ZNF710: variants seen among roughly 807,000 people sequenced by gnomAD.
ZNF710 encodes zinc finger protein 710.
ZNF710 carries 13 observed loss-of-function variants against 50.6 expected under a neutral mutation model. The observed-to-expected ratio is 0.26, with a 90% CI of 0.17 to 0.41. The LOEUF (loss-of-function observed/expected upper bound fraction) is 0.41, where lower values mean the gene tolerates loss of function less well. ZNF710 is among the 10% of genes least tolerant of loss of function. The pLI is 1.00. For missense variants in ZNF710, 721 were observed against 936.6 expected, an observed-to-expected ratio of 0.77 and a Z score of 3.01; for synonymous variants, 383 against 397.0, an observed-to-expected ratio of 0.96 and a Z score of 0.42.
chr15:90,045,395 T>C, intron 1 of ZNF710: 1 of 985,204 alleles, frequency 1.0e-6, no homozygotes, highest in African/African-American at 1.7e-5. Context: ...GGCTGACAGG[T>C]TTGCCGTCTG....
In ZNF710 at chr15:90,067,516, C is replaced by A. The variant is rs1410047371; in HGVS notation, c.379C>A (p.Pro127Thr). Residue 127 changes from proline (P) to threonine (T), a missense_variant, in exon 2 of 5, where the codon CCA becomes ACA. Coordinates refer to ENST00000268154, the MANE Select transcript of ZNF710 (RefSeq NM_198526.4). The surrounding 1 kb of genome is among the most constrained non-coding windows in gnomAD (Gnocchi z 8.1). ...EEQEVYEVSV[P>T]GDDKDAGPAE... The stretch of plus-strand genomic sequence containing the variant: ...ACAGGAGGTCTATGAGGTTTCTGTG[C>A]CAGGTGACGACAAGGACGCAGGGCC... The A allele has an allele frequency of 6.2e-7, 1 of 1,613,486 alleles. No individual in the cohort carries two copies.
At chr15:89,998,614 G>A (rs1411172594), upstream of ZNF710, among the ~76,000 whole-genome samples, 2 of 152,148 alleles carry the variant, frequency 1.3e-5, no homozygotes, top group African/African-American at 2.4e-5. Context: ...GGTCATCGGG[G>A]CACTACCCAG....
chr15:90,019,678 G>GA (rs1279498770), intron 1 of ZNF710, among the ~76,000 whole-genome samples: 1 of 152,188 alleles, frequency 6.6e-6, no homozygotes, highest in African/African-American at 2.4e-5. Flanking sequence ...GCTGACCTAG[G>GA]AAAGGGAGTC....
At chr15:90,024,241 C>T (rs2151477975) in intron 1 of ZNF710, among the ~76,000 whole-genome samples, 1 of 152,346 alleles carries the variant, frequency 6.6e-6, no homozygotes, top group South Asian at 2.1e-4. Flanking sequence ...TCTTTTGGCC[C>T]ATGCCTTATT....
intron 1 of ZNF710, among the ~76,000 whole-genome samples, chr15:90,018,535 A>G (rs1037299383): frequency 6.6e-5 from 10 of 152,162 alleles, no homozygotes. Context: ...ATCTCAGATT[A>G]AGAACTGGCC....
Position 90,067,668 on chromosome 15 carries a change from C to A in ZNF710, c.531C>A (p.Thr177=), listed in dbSNP as rs1030434991. 3.7e-6 allele frequency: 6 copies of A among 1,612,882 alleles called. No individual in the cohort carries two copies. The highest frequency in any genetic ancestry group is 5.1e-6 in the Non-Finnish European group (6 of 1,179,638). ...KPRTLRHLPR[T]PRPELNVAPY... is the part of the protein sequence containing the mutation. ...GGACGCTCCGGCATCTGCCCCGAAC[C>A]CCGAGGCCGGAGCTGAACGTGGCCC... is the stretch of plus-strand genomic sequence containing the variant. Residue 177 remains threonine, a synonymous_variant, in exon 2 of 5, where the codon ACC becomes ACA. Transcript: ENST00000268154. This position sits in a 1 kb window ranked among gnomAD's most constrained non-coding sequence, Gnocchi z 8.1.
At chr15:90,012,516 C>T (rs535300087) in intron 1 of ZNF710, among the ~76,000 whole-genome samples, 16 of 152,010 alleles carry the variant, frequency 1.1e-4, no homozygotes, top group African/African-American at 2.4e-4. Context: ...GTGATCCACC[C>T]GCCTCGGCCT....
In ZNF710 at chr15:90,068,792, C is replaced by T. The variant is rs1201408841; in HGVS notation, c.1458+197C>T. Among the ~76,000 whole-genome samples, 1 of 152,184 alleles carries T rather than the reference C, an allele frequency of 6.6e-6. No homozygotes were observed. Reference sequence around the variant, plus strand: ...GTTTTTTAAGTAGTAAAGCTTTATGCATTCAAAAACATGTATTTGGCCAGG... The same window carrying T: ...GTTTTTTAAGTAGTAAAGCTTTATGTATTCAAAAACATGTATTTGGCCAGG... On this transcript the variant is annotated intron_variant, in intron 2 of 4. Coordinates refer to ENST00000268154, the MANE Select transcript of ZNF710 (RefSeq NM_198526.4). The surrounding 1 kb of genome is among the most constrained non-coding windows in gnomAD (Gnocchi z 5.0).
chr15:90,061,236 T>C (rs755725306), intron 1 of ZNF710, among the ~76,000 whole-genome samples: 1 of 152,180 alleles, frequency 6.6e-6, no homozygotes, highest in African/African-American at 2.4e-5. Flanking sequence ...AGTGGCGTGA[T>C]CTCAGCTCAC....
chr15:90,044,084 CAA>C (rs1899383960), intron 1 of ZNF710, among the ~76,000 whole-genome samples: 5 of 152,140 alleles, frequency 3.3e-5, no homozygotes, highest in Admixed American at 2.0e-4. Context: ...CAACAAACAA[CAA>C]AAACCTGTTG....
At chr15:90,005,073 G>A (rs1256841) in intron 1 of ZNF710, among the ~76,000 whole-genome samples, 140,774 of 152,310 alleles carry the variant, frequency 0.92, 65,254 homozygotes, top group East Asian at 1. Flanking sequence ...AAGAGAAGGA[G>A]TGTAAGGACC....
chr15:90,055,387 A>G (rs1899780694), intron 1 of ZNF710, among the ~76,000 whole-genome samples: 1 of 152,108 alleles, frequency 6.6e-6, no homozygotes, highest in African/African-American at 2.4e-5. Flanking sequence ...AACATCGATG[A>G]AGTCCACGTG....
intron 1 of ZNF710, among the ~76,000 whole-genome samples, chr15:90,009,927 G>A (rs1223221031): frequency 3.3e-5 from 5 of 152,046 alleles, no homozygotes; most frequent in African/African-American, 9.7e-5. Flanking sequence ...TGACTGCCCG[G>A]TGGCCCATCT....
At chr15:90,053,348 C>CTTTTTTTTTTT (rs111542346) in intron 1 of ZNF710, among the ~76,000 whole-genome samples, 1 of 144,664 alleles carries the variant, frequency 6.9e-6, no homozygotes. Flanking sequence ...CAGTGAATTC[C>CTTTTTTTTTTT]TTTTTTTTTT....
intron 1 of ZNF710, among the ~76,000 whole-genome samples, chr15:90,007,800 G>A (rs1172706446): frequency 2.0e-5 from 3 of 151,492 alleles, no homozygotes; most frequent in African/African-American, 7.3e-5. Flanking sequence ...CAGATGAAGA[G>A]GCTCACCCCC....
intron 1 of ZNF710, among the ~76,000 whole-genome samples, chr15:90,008,453 T>TATATATATAC (rs1898208603): frequency 7.8e-6 from 1 of 127,950 alleles, no homozygotes; most frequent in African/African-American, 3.6e-5. Flanking sequence ...TATATATATA[T>TATATATATAC]GTATATATAT....
intron 1 of ZNF710, among the ~76,000 whole-genome samples, chr15:90,007,146 G>A (rs1433858780): frequency 6.6e-6 from 1 of 152,140 alleles, no homozygotes; most frequent in Non-Finnish European, 1.5e-5. Flanking sequence ...GCTGCACACA[G>A]AGATTGTCTT....
At chr15:90,061,832 A>G (rs953666567) in intron 1 of ZNF710, among the ~76,000 whole-genome samples, 7 of 152,218 alleles carry the variant, frequency 4.6e-5, no homozygotes, top group Non-Finnish European at 1.0e-4. Context: ...TTTACAGATC[A>G]GGAAATGGAG....
At chr15:90,052,258 TG>T (rs68041553) in intron 1 of ZNF710, among the ~76,000 whole-genome samples, 16,200 of 152,214 alleles carry the variant, frequency 0.11, 1,007 homozygotes, top group African/African-American at 0.15. Context: ...GACTTTTTTT[TG>T]TCGCAGGGGA....
Sources: gnomAD v4.1 joint callset for allele counts (sites outside exome capture counted in the v4.1 genomes callset) on GRCh38, gnomAD v4.1.1 for gene constraint, Gnocchi (gnomAD v3.1) non-coding constraint, MANE v1.5 for transcripts, NCBI Gene and HGNC (gene_info 2026-07-23, HGNC 2026-07-21) for gene names.